Variants in CTNND2 observed in about 807,000 individuals in gnomAD.
CTNND2 encodes the protein catenin delta 2, also known as catenin delta-2.
In CTNND2, 22 loss-of-function variants were observed where a neutral mutation model predicts 144.4. The observed-to-expected ratio is 0.15, with a 90% CI of 0.11 to 0.22. CTNND2 has a LOEUF of 0.22. Ranked by LOEUF, CTNND2 falls within the 10% of genes least tolerant of loss-of-function variation. The pLI is 1.00. For missense variants in CTNND2, 1,353 were observed against 1,618.8 expected, an observed-to-expected ratio of 0.84 and a Z score of 2.82; for synonymous variants, 751 against 695.6, an observed-to-expected ratio of 1.08 and a Z score of -1.25.
At chr5:11,138,981 C>CT (rs3032103) in intron 12 of CTNND2, among the ~76,000 whole-genome samples, 10,559 of 149,318 alleles carry the variant, frequency 0.071, 577 homozygotes, top group East Asian at 0.16. Flanking sequence ...TAAAAGGAAA[C>CT]TTTTTTTTTT....
At chr5:11,072,560 A>G (rs1323028567) in intron 16 of CTNND2, among the ~76,000 whole-genome samples, 1 of 152,244 alleles carries the variant, frequency 6.6e-6, no homozygotes, top group African/African-American at 2.4e-5. Context: ...ACAATGTCCG[A>G]ATTTCAACTA....
intron 15 of CTNND2, among the ~76,000 whole-genome samples, chr5:11,087,087 C>T (rs1036151690): frequency 6.6e-6 from 1 of 152,188 alleles, no homozygotes; most frequent in African/African-American, 2.4e-5. Context: ...ATCATTTGTG[C>T]ATTAATTTTC....
chr5:11,677,964 T>C (rs1051311595), intron 2 of CTNND2, among the ~76,000 whole-genome samples: 2 of 152,140 alleles, frequency 1.3e-5, no homozygotes, highest in African/African-American at 4.8e-5. Context: ...GCCAAAAATA[T>C]CATTCTGGTT....
At position 11,858,787 on chromosome 5, in the gene CTNND2, G is replaced by A. The variant is rs536459926; in HGVS notation, c.37+45030C>T. Among the ~76,000 whole-genome samples the A allele has an allele frequency of 4.3e-4, 65 of 152,232 alleles. 1 individual carries two copies. The highest frequency in any genetic ancestry group is 7.6e-4 in the Non-Finnish European group (52 of 68,016). On this transcript the variant is annotated intron_variant, in intron 1 of 21. Coordinates refer to ENST00000304623, the MANE Select transcript of CTNND2 (RefSeq NM_001332.4). ...TACTAAAAATACAAAAAATTAGCTG[G>A]GCATGGTGGCGGGTGCCTGTAGCCC...
intron 3 of CTNND2, among the ~76,000 whole-genome samples, chr5:11,492,491 CTA>C (rs67244381): frequency 0.03 from 4,013 of 134,232 alleles, 47 homozygotes; most frequent in African/African-American, 0.044. Context: ...CTTTCTACAG[CTA>C]TATATATATA....
At position 11,529,636 on chromosome 5, in the gene CTNND2, A is replaced by G. The variant is rs147048568; in HGVS notation, c.287+35308T>C. On this transcript the variant is annotated intron_variant, in intron 3 of 21. Coordinates refer to ENST00000304623, the MANE Select transcript of CTNND2 (RefSeq NM_001332.4). ...ACAAAGCATGCAGTGGATTTACTAC[A>G]TCTTTAGCATAACTATGAATATGAA... is the stretch of plus-strand genomic sequence containing the variant. Among the ~76,000 whole-genome samples, 533 of 152,346 alleles carry G rather than the reference A, an allele frequency of 3.5e-3. 3 individuals are homozygous for G. The highest frequency in any genetic ancestry group is 0.012 in the African/African-American group (503 of 41,584).
intron 1 of CTNND2, among the ~76,000 whole-genome samples, chr5:11,810,454 C>A (rs1792263974): frequency 7.2e-6 from 1 of 139,776 alleles, no homozygotes; most frequent in Admixed American, 7.8e-5. Context: ...AACATTGAAC[C>A]ATTGCCTCAA....
chr5:11,896,791 A>T (rs1181384047), intron 1 of CTNND2, among the ~76,000 whole-genome samples: 1 of 152,092 alleles, frequency 6.6e-6, no homozygotes, highest in African/African-American at 2.4e-5. Context: ...ATTTGCCTTG[A>T]TTATCTTCTT....
chr5:11,145,346 CT>C (rs56300452), intron 12 of CTNND2, among the ~76,000 whole-genome samples: 62,452 of 151,868 alleles, frequency 0.41, 14,696 homozygotes, highest in Admixed American at 0.53. Flanking sequence ...TTGCCTCCCC[CT>C]GTCCCAGCCC....
rs556626245 is a variant in CTNND2 at position 11,189,411 on chromosome 5, C to T, written c.1975+10037G>A. On this transcript the variant is annotated intron_variant, in intron 11 of 21. Transcript: ENST00000304623. ...TACAGATTTTCTTCCACTTCTGCCA[C>T]CCCTGAGACAGCAAGACCAACCTCT... Among the ~76,000 whole-genome samples the T allele has an allele frequency of 9.2e-5, 14 of 152,266 alleles. 1 individual carries two copies. In the South Asian group the frequency reaches 2.7e-3, roughly 29 times the overall value.
intron 10 of CTNND2, among the ~76,000 whole-genome samples, chr5:11,224,337 T>C (rs924120775): frequency 1.3e-5 from 2 of 152,196 alleles, no homozygotes; most frequent in African/African-American, 4.8e-5. Context: ...GCTGCAATAG[T>C]GCTCACTGTG....
intron 8 of CTNND2, among the ~76,000 whole-genome samples, chr5:11,358,582 T>C (rs1756136490): frequency 6.6e-6 from 1 of 152,208 alleles, no homozygotes; most frequent in African/African-American, 2.4e-5. Context: ...ATAATTCACA[T>C]CTTTGTGAAC....
chr5:11,858,130 G>A (rs1176818602), intron 1 of CTNND2, among the ~76,000 whole-genome samples: 1 of 152,174 alleles, frequency 6.6e-6, no homozygotes, highest in African/African-American at 2.4e-5. Context: ...GGGATTGCTT[G>A]TGCTTATTTT....
chr5:11,504,131 T>C (rs1223304409), intron 3 of CTNND2, among the ~76,000 whole-genome samples: 1 of 152,180 alleles, frequency 6.6e-6, no homozygotes, highest in Non-Finnish European at 1.5e-5. Flanking sequence ...TATTTGTAGC[T>C]TTTACATGTG....
intron 1 of CTNND2, among the ~76,000 whole-genome samples, chr5:11,850,568 T>A (rs1178373127): frequency 6.6e-6 from 1 of 152,186 alleles, no homozygotes; most frequent in East Asian, 1.9e-4. Context: ...AAGGCAATTA[T>A]GATTAATAAA....
chr5:11,720,158 G>C (rs1786587471), intron 2 of CTNND2, among the ~76,000 whole-genome samples: 1 of 152,202 alleles, frequency 6.6e-6, no homozygotes, highest in South Asian at 2.1e-4. Context: ...GGCCGTACTT[G>C]AGAGTACTTC....
intron 2 of CTNND2, among the ~76,000 whole-genome samples, chr5:11,629,078 C>T (rs1781294404): frequency 6.6e-6 from 1 of 152,026 alleles, no homozygotes; most frequent in South Asian, 2.1e-4. Context: ...CTGCAAGTTC[C>T]TTTCCTACTC....
chr5:11,165,312 A>G (rs1335484419), intron 11 of CTNND2, among the ~76,000 whole-genome samples: 1 of 152,204 alleles, frequency 6.6e-6, no homozygotes, highest in Non-Finnish European at 1.5e-5. Flanking sequence ...TAATTTTCTT[A>G]TATTAACTCC....
intron 11 of CTNND2, among the ~76,000 whole-genome samples, chr5:11,196,187 A>G (rs1052664173): frequency 3.3e-5 from 5 of 152,340 alleles, no homozygotes; most frequent in Admixed American, 6.5e-5. Context: ...CACTCTTGAC[A>G]TCATAGGTTC....
Sources: gnomAD v4.1 joint callset for allele counts (sites outside exome capture counted in the v4.1 genomes callset) on GRCh38, gnomAD v4.1.1 for gene constraint, MANE v1.5 for transcripts, NCBI Gene and HGNC (gene_info 2026-07-23, HGNC 2026-07-21) for gene names.